STOML1: variants seen among roughly 807,000 people sequenced by gnomAD.
The protein encoded by STOML1 is stomatin like 1, also known as stomatin-like protein 1.
In STOML1, 27 loss-of-function variants were observed where a neutral mutation model predicts 35.7. The ratio of observed to expected loss-of-function variants is 0.76; its 90% CI spans 0.56 to 1.04. The LOEUF (loss-of-function observed/expected upper bound fraction) is 1.04, where lower values mean the gene tolerates loss of function less well. STOML1 is among the 50% of genes least tolerant of loss of function. The pLI is 0.00. For synonymous variants in STOML1, 219 were observed against 227.9 expected (o/e 0.96, Z 0.35); for missense variants, 451 against 527.1 (o/e 0.86, Z 1.41).
In STOML1 at chr15:73,984,658, C is replaced by A; in HGVS notation, c.1003+1G>T. The stretch of plus-strand genomic sequence containing the variant: ...AGGAGAGGCAAGGAGGGCAGCGGCA[C>A]CTGTAGTGAGGTCCAGGAAGTAGGC... On this transcript the variant is annotated splice_donor_variant, in intron 6 of 6. Coordinates refer to ENST00000541638, the MANE Select transcript of STOML1 (RefSeq NM_004809.5). LOFTEE classifies it high-confidence loss of function. 6.2e-7 allele frequency: 1 copy of A among 1,613,970 alleles called. No homozygotes were observed. Among genetic ancestry groups the A allele is most frequent in the Non-Finnish European group, 8.5e-7 (1 of 1,179,912 alleles).
intron 1 of STOML1, chr15:73,990,895 C>T: frequency 6.5e-7 from 1 of 1,534,790 alleles, no homozygotes; most frequent in Non-Finnish European, 8.7e-7. Context: ...CCTATACCAT[C>T]AGCCCCAGAA....
rs746545055 is a variant in STOML1, at chr15:73,990,438, G to A, written c.153C>T (p.Pro51=). 1.9e-6 allele frequency: 3 copies of A among 1,613,712 alleles called. No homozygotes were observed. The Admixed American group carries it at 5.0e-5, about 27-fold the overall frequency. Residue 51 remains proline (P), a synonymous_variant, in exon 2 of 7, where the codon CCC becomes CCT. Transcript: ENST00000541638. Reference sequence around the variant, plus strand: ...TGATGAGGCCATGACAGAGGCAGGAGGGCCAGCTCTGGGGTACATCTGCAG... The same window carrying A: ...TGATGAGGCCATGACAGAGGCAGGAAGGCCAGCTCTGGGGTACATCTGCAG... ...GTGADVPQSW[P]SCLCHGLISF...
chr15:73,990,416 T>G lies in STOML1; in HGVS notation c.175A>C (p.Ile59Leu), dbSNP rs201097171. Residue 59 changes from isoleucine (I) to leucine (L), a missense_variant, in exon 2 of 7, where the codon ATC (isoleucine) becomes CTC (leucine). Transcript: ENST00000541638. The stretch of plus-strand genomic sequence containing the variant: ...AGCAGCAAGAACCCCAGGAAACTGA[T>G]GAGGCCATGACAGAGGCAGGAGGGC... ...SWPSCLCHGL[I>L]SFLGFLLLLV... The G allele has an allele frequency of 2.5e-6, 4 of 1,613,968 alleles. No homozygotes were observed. The highest frequency in any genetic ancestry group is 3.4e-6 in the Non-Finnish European group (4 of 1,179,998).
rs1221451303 is a variant in STOML1, at chr15:73,983,974, G to T, written c.1160C>A (p.Ala387Asp). ...RLKVKGDLAMAMKLEAVLRAL... is the reference protein window; with the variant it reads ...RLKVKGDLAMDMKLEAVLRAL... ...CCTGAGGACAGCCTCCAGCTTCATGGCCATAGCCAGGTCGCCCTTCACCTT... is the reference window on the plus strand; with the variant it reads ...CCTGAGGACAGCCTCCAGCTTCATGTCCATAGCCAGGTCGCCCTTCACCTT... Residue 387 changes from alanine (A) to aspartate (D), a missense_variant, in exon 7 of 7, where the codon GCC becomes GAC. Transcript: ENST00000541638. 1 of 1,613,998 alleles carries T rather than the reference G, an allele frequency of 6.2e-7. No individual in the cohort carries two copies. The highest frequency in any genetic ancestry group is 1.7e-5 in the Admixed American group (1 of 60,034).
At chr15:73,991,044 C>CATTATG in intron 1 of STOML1, 1 of 1,352,050 alleles carries the variant, frequency 7.4e-7, no homozygotes, top group Non-Finnish European at 9.5e-7. Flanking sequence ...GCCTTAATGA[C>CATTATG]CATTAAAAAA....
rs1380853539 is a variant in STOML1 at position 73,982,836 on chromosome 15, G to A, written c.*1101C>T. On this transcript the variant is annotated 3_prime_UTR_variant, in exon 7 of 7. Coordinates refer to ENST00000541638, the MANE Select transcript of STOML1 (RefSeq NM_004809.5). Reference sequence around the variant, plus strand: ...GGCCTGGGGCCAGACCTCAATGACTGTTTCCTTCCCGTCAGCGAGCGGAGA... The same window carrying A: ...GGCCTGGGGCCAGACCTCAATGACTATTTCCTTCCCGTCAGCGAGCGGAGA... 1 of 152,116 alleles carries A rather than the reference G, an allele frequency of 6.6e-6. No homozygotes were observed. The highest frequency in any genetic ancestry group is 1.5e-5 in the Non-Finnish European group (1 of 68,046). The allele number at this position is 152,116 out of a possible 1,614,324, so 9.4% of individuals were successfully genotyped here.
chr15:73,990,696 C>T, intron 1 of STOML1: 3 of 1,160,262 alleles, frequency 2.6e-6, no homozygotes, highest in Non-Finnish European at 3.7e-6. Context: ...CTCACAAGGC[C>T]TTATTCTCTG....
chr15:73,989,100 C>A lies in STOML1; in HGVS notation c.390+8G>T, dbSNP rs750194837. The stretch of plus-strand genomic sequence containing the variant: ...TTCCTCTGTCAAGGCAGCTGAGAAG[C>A]CCCTCACCTTGCAGGGAGGGACGTT... On this transcript the variant is annotated splice_region_variant and intron_variant, in intron 3 of 6. Transcript: ENST00000541638. 6.3e-7 allele frequency: 1 copy of A among 1,581,580 alleles called. No homozygotes were observed. Among genetic ancestry groups the A allele is most frequent in the Middle Eastern group, 1.9e-4 (1 of 5,234 alleles).
At chr15:73,991,992 CGA>C in intron 1 of STOML1, 97 bp downstream of exon 1, 3 of 1,439,458 alleles carry the variant, frequency 2.1e-6, no homozygotes, top group Non-Finnish European at 2.7e-6. Context: ...TCGTAGGGTG[CGA>C]CGGCACCGGG....
Position 73,990,440 on chromosome 15 carries a change from G to A in STOML1, c.151C>T (p.Pro51Ser), listed in dbSNP as rs770444114. ...GTGADVPQSW[P>S]SCLCHGLISF... Reference sequence around the variant, plus strand: ...ATGAGGCCATGACAGAGGCAGGAGGGCCAGCTCTGGGGTACATCTGCAGGT... The same window carrying A: ...ATGAGGCCATGACAGAGGCAGGAGGACCAGCTCTGGGGTACATCTGCAGGT... Residue 51 changes from proline (P) to serine (S), a missense_variant, in exon 2 of 7, where the codon CCC becomes TCC. By Grantham distance (74) the Pro-to-Ser change is moderately conservative. Coordinates refer to ENST00000541638, the MANE Select transcript of STOML1 (RefSeq NM_004809.5). The A allele has an allele frequency of 1.2e-6, 2 of 1,613,350 alleles. No individual in the cohort carries two copies. Among genetic ancestry groups the A allele is most frequent in the South Asian group, 2.2e-5 (2 of 90,920 alleles).
rs150277815 is a variant in STOML1, at chr15:73,985,331, C to A, written c.777G>T (p.Pro259=). The change falls in exon 5 of 7, where the codon CCG becomes CCT. Residue 259 remains proline, a synonymous_variant. Transcript: ENST00000541638. ...GSMNSMAGGA[P]SPGPADTVEM... ...AGGGCTCCTCACCTGGCCCCGGGGA[C>A]GGGGCACCTCCTGCCATTGAGTTCA... 3.9e-6 allele frequency: 6 copies of A among 1,533,850 alleles called. No homozygotes were observed. The highest frequency in any genetic ancestry group is 4.4e-6 in the Non-Finnish European group (5 of 1,146,428).
chr15:73,992,236 G>C lies in STOML1; in HGVS notation c.-13C>G, dbSNP rs1209514253. 1 of 1,588,478 alleles carries C rather than the reference G, an allele frequency of 6.3e-7. No homozygotes were observed. Among genetic ancestry groups the C allele is most frequent in the Non-Finnish European group, 8.5e-7 (1 of 1,170,292 alleles). Reference sequence around the variant, plus strand: ...ACCTGCCGAGCATGGCTTTTGACAGGAGACACGCCCCGCGCCTCCGCGCGG... The same window carrying C: ...ACCTGCCGAGCATGGCTTTTGACAGCAGACACGCCCCGCGCCTCCGCGCGG... On this transcript the variant is annotated 5_prime_UTR_variant, in exon 1 of 7. Transcript: ENST00000541638.
chr15:73,985,336 C>G lies in STOML1; in HGVS notation c.772G>C (p.Ala258Pro), dbSNP rs760644780. The G allele has an allele frequency of 6.5e-7, 1 of 1,541,336 alleles. No individual in the cohort carries two copies. The highest frequency in any genetic ancestry group is 2.2e-5 in the Admixed American group (1 of 44,514). ...TCCTCACCTGGCCCCGGGGACGGGG[C>G]ACCTCCTGCCATTGAGTTCATGCTT... ...GGSMNSMAGG[A>P]PSPGPADTVE... Residue 258 changes from alanine (A) to proline (P), a missense_variant, in exon 5 of 7, where the codon GCC becomes CCC. Coordinates refer to ENST00000541638, the MANE Select transcript of STOML1 (RefSeq NM_004809.5).
rs2069160198 is a variant in STOML1 at position 73,988,453 on chromosome 15, G to C, written c.594+146C>G. 5.3e-6 allele frequency: 5 copies of C among 940,926 alleles called. No homozygotes were observed. In the South Asian group the frequency reaches 8.5e-5, roughly 16 times the overall value. The allele number at this position is 940,926 out of a possible 1,614,324, so 58.3% of individuals were successfully genotyped here. On this transcript the variant is annotated intron_variant, in intron 4 of 6. Transcript: ENST00000541638. This position sits in a 1 kb window ranked among gnomAD's most constrained non-coding sequence, Gnocchi z 4.8. ...TTCCTCAACTCATGGCCCCACCCAG[G>C]CACTGGCTCTTCAAAGGTGGTTACA...
Position 73,990,367 on chromosome 15 carries a change from C to T in STOML1, c.224G>A (p.Gly75Asp). 1 of 1,614,052 alleles carries T rather than the reference C, an allele frequency of 6.2e-7. No homozygotes were observed. Among genetic ancestry groups the T allele is most frequent in the Non-Finnish European group, 8.5e-7 (1 of 1,179,966 alleles). Reference sequence around the variant, plus strand: ...CAGCCTTACCTTCAGGGCAAACCAGCCAGAAATGGGGAAGGTGACCAACAG... The same window carrying T: ...CAGCCTTACCTTCAGGGCAAACCAGTCAGAAATGGGGAAGGTGACCAACAG... Reference protein sequence around the residue: ...LLLLVTFPISGWFALKIVPTY... With the variant: ...LLLLVTFPISDWFALKIVPTY... Residue 75 changes from glycine (G) to aspartate (D), a missense_variant, in exon 2 of 7, where the codon GGC (glycine) becomes GAC (aspartate). Physicochemically the swap from Gly to Asp is moderately conservative, Grantham distance 94. Coordinates refer to ENST00000541638, the MANE Select transcript of STOML1 (RefSeq NM_004809.5).
Position 73,988,755 on chromosome 15 carries a change from C to T in STOML1, c.438G>A (p.Gln146=), listed in dbSNP as rs1173362691. 1 of 1,614,196 alleles carries T rather than the reference C, an allele frequency of 6.2e-7. No homozygotes were observed. Among genetic ancestry groups the T allele is most frequent in the Admixed American group, 1.7e-5 (1 of 60,014 alleles). ...ACAGCACCGGGTCCCAGATGCGAAA[C>T]TGGACATCGGCTCCCACGGACAGCA... ...GAVLSVGADV[Q]FRIWDPVLSV... The change falls in exon 4 of 7, where the codon CAG becomes CAA. Residue 146 remains glutamine (Q), a synonymous_variant. Coordinates refer to ENST00000541638, the MANE Select transcript of STOML1 (RefSeq NM_004809.5). This position sits in a 1 kb window ranked among gnomAD's most constrained non-coding sequence, Gnocchi z 4.8.
rs1188249629 is a variant in STOML1, at chr15:73,988,872, G to T, written c.391-70C>A. Reference sequence around the variant, plus strand: ...GTGCAGGGAGGTCAGGCCCACTGGGGCCACCCAGCTTGAACCACCTGCTTG... The same window carrying T: ...GTGCAGGGAGGTCAGGCCCACTGGGTCCACCCAGCTTGAACCACCTGCTTG... On this transcript the variant is annotated intron_variant, in intron 3 of 6. Transcript: ENST00000541638. The surrounding 1 kb of genome is among the most constrained non-coding windows in gnomAD (Gnocchi z 4.8). The T allele has an allele frequency of 1.3e-6, 2 of 1,557,670 alleles. No homozygotes were observed. The highest frequency in any genetic ancestry group is 1.9e-4 in the Middle Eastern group (1 of 5,296).
Position 73,983,073 on chromosome 15 carries a change from A to G in STOML1, c.*864T>C, listed in dbSNP as rs1262889810. 3 of 151,194 alleles carry G rather than the reference A, an allele frequency of 2.0e-5. No homozygotes were observed. The highest frequency in any genetic ancestry group is 4.4e-5 in the Non-Finnish European group (3 of 67,796). The allele number at this position is 151,194 out of a possible 1,614,324, so 9.4% of individuals were successfully genotyped here. A position where few individuals can be genotyped will look rare whatever the true frequency, so the allele number is the denominator to read the frequency against. On this transcript the variant is annotated 3_prime_UTR_variant, in exon 7 of 7. Coordinates refer to ENST00000541638, the MANE Select transcript of STOML1 (RefSeq NM_004809.5). ...TGCTTCCAGGGGCTTTGAGACACTC[A>G]GGAGAAGGAGCTTCAAATATTGTGA...
chr15:73,989,078 C>T, intron 3 of STOML1, 30 bp downstream of exon 3: 1 of 1,550,690 alleles, frequency 6.4e-7, no homozygotes, highest in Non-Finnish European at 8.7e-7. Context: ...CCCCCAGTTC[C>T]TCTGTCAAGG....
Sources: gnomAD v4.1 joint callset for allele counts on GRCh38, gnomAD v4.1.1 for gene constraint, Gnocchi (gnomAD v3.1) non-coding constraint, MANE v1.5 for transcripts, NCBI Gene and HGNC (gene_info 2026-07-23, HGNC 2026-07-21) for gene names.